CYTH3: variants seen among roughly 807,000 people sequenced by gnomAD.
The protein encoded by CYTH3 is cytohesin-3.
Under a neutral mutation model 55.1 loss-of-function variants are expected in CYTH3, and 23 were observed. The observed-to-expected ratio is 0.42, with a 90% CI of 0.30 to 0.59. CYTH3 has a LOEUF of 0.59. CYTH3 is among the 20% of genes least tolerant of loss of function. CYTH3 has a pLI of 0.20. For synonymous variants in CYTH3, 249 were observed against 194.9 expected, an observed-to-expected ratio of 1.28 and a Z score of -2.31; for missense variants, 413 against 524.8, an observed-to-expected ratio of 0.79 and a Z score of 2.08.
intron 1 of CYTH3, among the ~76,000 whole-genome samples, chr7:6,191,646 A>AGT (rs1203736068): frequency 2.9e-5 from 4 of 136,862 alleles, no homozygotes. Flanking sequence ...CCCTGGCTGG[A>AGT]GTGCAGTGGC....
chr7:6,222,581 C>A (rs548329711), intron 1 of CYTH3, among the ~76,000 whole-genome samples: 1 of 152,054 alleles, frequency 6.6e-6, no homozygotes, highest in Admixed American at 6.6e-5. Context: ...CCCGTCTCTA[C>A]TAAAAATATA....
At chr7:6,265,270 C>CAT (rs569952894) in intron 1 of CYTH3, among the ~76,000 whole-genome samples, 5 of 151,714 alleles carry the variant, frequency 3.3e-5, no homozygotes, top group African/African-American at 1.2e-4. Context: ...TGACAGAGAT[C>CAT]ATATGTGGCC....
At chr7:6,217,189 C>T (rs935026343) in intron 1 of CYTH3, among the ~76,000 whole-genome samples, 4 of 152,228 alleles carry the variant, frequency 2.6e-5, no homozygotes, top group Middle Eastern at 3.4e-3. Context: ...GCCAAGATTA[C>T]GGGCATGAAC....
At chr7:6,239,750 G>C (rs572567534) in intron 1 of CYTH3, among the ~76,000 whole-genome samples, 1 of 152,126 alleles carries the variant, frequency 6.6e-6, no homozygotes, top group African/African-American at 2.4e-5. Flanking sequence ...AAGTAGAAAA[G>C]AATACTTCAT....
chr7:6,251,840 C>A (rs1012598013), intron 1 of CYTH3, among the ~76,000 whole-genome samples: 1 of 152,044 alleles, frequency 6.6e-6, no homozygotes, highest in African/African-American at 2.4e-5. Context: ...TTCACAGGCA[C>A]CATTGGTATT....
rs1780286233 is a variant in CYTH3, at chr7:6,259,802, T to TATATA, written c.34+12667_34+12671dup. On this transcript the variant is annotated intron_variant, in intron 1 of 12. Coordinates refer to ENST00000350796, the MANE Select transcript of CYTH3 (RefSeq NM_004227.4). ...TATATATAATATATATATATATATA[T>TATATA]ATATATATATAATATATATATATAT... Among the ~76,000 whole-genome samples the TATATA allele has an allele frequency of 2.9e-4, 8 of 27,768 alleles. 1 individual carries two copies. Among genetic ancestry groups the TATATA allele is most frequent in the African/African-American group, 2.5e-3 (7 of 2,828 alleles). 18.2% of individuals were successfully genotyped at this position (27,768 alleles called of 152,430 possible).
intron 1 of CYTH3, among the ~76,000 whole-genome samples, chr7:6,216,888 A>G (rs1371122631): frequency 6.7e-6 from 1 of 150,352 alleles, no homozygotes; most frequent in Non-Finnish European, 1.5e-5. Context: ...GAAATGGCAG[A>G]CTTAAGCCCT....
At chr7:6,168,359 C>G (rs1783072136) in intron 9 of CYTH3, among the ~76,000 whole-genome samples, 1 of 151,766 alleles carries the variant, frequency 6.6e-6, no homozygotes. Context: ...ACCACCTGTT[C>G]TAAAAGCAAA....
At chr7:6,222,619 C>T (rs1017114935) in intron 1 of CYTH3, among the ~76,000 whole-genome samples, 1 of 151,860 alleles carries the variant, frequency 6.6e-6, no homozygotes, top group Non-Finnish European at 1.5e-5. Context: ...TGGTGGCGGG[C>T]ACCTGTAGTC....
chr7:6,247,676 G>T (rs1779855760), intron 1 of CYTH3, among the ~76,000 whole-genome samples: 1 of 151,858 alleles, frequency 6.6e-6, no homozygotes, highest in South Asian at 2.1e-4. Flanking sequence ...TTGAGACAGG[G>T]TCTGTCGCCC....
intron 5 of CYTH3, among the ~76,000 whole-genome samples, chr7:6,175,545 C>CTTTTTTTTTTTTTT (rs1177188782): frequency 1.1e-5 from 1 of 89,004 alleles, no homozygotes; most frequent in Non-Finnish European, 2.1e-5. Flanking sequence ...ACACTTTAGT[C>CTTTTTTTTTTTTTT]TTTTTTTTTT....
intron 4 of CYTH3, among the ~76,000 whole-genome samples, chr7:6,179,636 C>T (rs552824158): frequency 4.6e-4 from 47 of 103,154 alleles, no homozygotes; most frequent in Non-Finnish European, 6.9e-4. Flanking sequence ...CCCACATACA[C>T]CTCACACACC....
chr7:6,259,796 T>TATATATA (rs1554255125), intron 1 of CYTH3, among the ~76,000 whole-genome samples: 1 of 21,844 alleles, frequency 4.6e-5, no homozygotes, highest in Non-Finnish European at 6.5e-5. Context: ...TATATATATA[T>TATATATA]ATATATATAT....
intron 3 of CYTH3, 105 bp downstream of exon 3, chr7:6,187,552 C>G: frequency 1.3e-5 from 13 of 996,148 alleles, no homozygotes; most frequent in Non-Finnish European, 2.1e-5. Flanking sequence ...TCCACAGGCT[C>G]CCCACATCCC....
chr7:6,241,406 A>T (rs1779669475), intron 1 of CYTH3, among the ~76,000 whole-genome samples: 1 of 152,220 alleles, frequency 6.6e-6, no homozygotes, highest in Admixed American at 6.5e-5. Context: ...AAAATCCGAA[A>T]GTTTGACAGA....
At chr7:6,186,275 G>C (rs939600632) in intron 4 of CYTH3, among the ~76,000 whole-genome samples, 1 of 146,328 alleles carries the variant, frequency 6.8e-6, no homozygotes, top group Admixed American at 6.9e-5. Flanking sequence ...AGTGCAGACC[G>C]ACTGAAGACC....
rs1039968656 is a variant in CYTH3, at chr7:6,172,870, G to A, written c.449+783C>T. 31 of 1,264,342 alleles carry A rather than the reference G, an allele frequency of 2.5e-5. 1 individual carries two copies. The highest frequency in any genetic ancestry group is 4.3e-4 in the Middle Eastern group (2 of 4,618). The allele number at this position is 1,264,342 out of a possible 1,614,324, so 78.3% of individuals were successfully genotyped here. On this transcript the variant is annotated intron_variant, in intron 6 of 12. Transcript: ENST00000350796. ...GGCTGCGCTGTGAGCACAACATCAC[G>A]AGGGTCCCACAAAAACGCTGCCAAC... is the stretch of plus-strand genomic sequence containing the variant.
At chr7:6,240,742 CAG>C (rs1031062576) in intron 1 of CYTH3, among the ~76,000 whole-genome samples, 6 of 152,104 alleles carry the variant, frequency 3.9e-5, no homozygotes, top group East Asian at 1.9e-4. Flanking sequence ...AGGAAGAAAA[CAG>C]ATAACATCGG....
chr7:6,263,606 G>A (rs896373061), intron 1 of CYTH3, among the ~76,000 whole-genome samples: 2 of 152,104 alleles, frequency 1.3e-5, no homozygotes, highest in Non-Finnish European at 2.9e-5. Flanking sequence ...GACCAGCCTG[G>A]CCAACGTAGC....
Sources: allele counts gnomAD v4.1 joint callset (sites outside exome capture counted in the v4.1 genomes callset), GRCh38; gene constraint gnomAD v4.1.1; transcripts MANE v1.5; gene names NCBI Gene and HGNC (gene_info 2026-07-23, HGNC 2026-07-21).